Variants in NF1 observed in about 807,000 individuals in gnomAD.
The protein encoded by NF1 is neurofibromin 1.
NF1 carries 122 observed loss-of-function variants against 325.7 expected under a neutral mutation model. The observed-to-expected ratio is 0.37, with a 90% confidence interval of 0.32 to 0.44. The LOEUF is 0.44. Ranked by LOEUF, NF1 falls within the 20% of genes least tolerant of loss-of-function variation. NF1 has a pLI of 1.00. For missense variants in NF1, 2,140 were observed against 3,415.4 expected (o/e 0.63, Z 9.31); for synonymous variants, 1,091 against 1,186.0 (o/e 0.92, Z 1.65).
intron 29 of NF1, among the ~76,000 whole-genome samples, chr17:31,243,184 C>CTCTGTGTGTGTGTGTG (rs1555616439): frequency 1.5e-5 from 2 of 137,476 alleles, no homozygotes; most frequent in African/African-American, 6.0e-5. Flanking sequence ...CTCTCTCTGT[C>CTCTGTGTGTGTGTGTG]TGTGTGTGTG....
chr17:31,154,257 A>G lies in NF1; in HGVS notation c.61-1726A>G, dbSNP rs1295828250. 2.0e-5 allele frequency among the ~76,000 whole-genome samples: 3 copies of G among 150,660 alleles called. 1 individual carries two copies. Among genetic ancestry groups the G allele is most frequent in the South Asian group, 4.2e-4 (2 of 4,760 alleles). ...TTTTTAGTAGAGACAGGGTTTCACCATGTTGGCCAGGCTGGTCTTGAACTT... is the reference window on the plus strand; with the variant it reads ...TTTTTAGTAGAGACAGGGTTTCACCGTGTTGGCCAGGCTGGTCTTGAACTT... On this transcript the variant is annotated intron_variant, in intron 1 of 57. Transcript: ENST00000358273.
In NF1 at chr17:31,163,394, C is replaced by G. The variant is rs2143674569; in HGVS notation, c.479+18C>G. 1 of 1,608,718 alleles carries G rather than the reference C, an allele frequency of 6.2e-7. No homozygotes were observed. The highest frequency in any genetic ancestry group is 1.3e-5 in the African/African-American group (1 of 74,842). ...TCTACCAGGTTAGTGTGTAAATCCA[C>G]ATGGGACTACTGAAGTAATATGAAT... On this transcript the variant is annotated intron_variant, in intron 4 of 57. Coordinates refer to ENST00000358273, the MANE Select transcript of NF1 (RefSeq NM_001042492.3).
chr17:31,235,818 A>G (rs1429457390), intron 28 of NF1, 46 bp downstream of exon 28: 1 of 1,613,062 alleles, frequency 6.2e-7, no homozygotes, highest in East Asian at 2.2e-5. Context: ...GAGGTATGTC[A>G]AGTAATGATT....
At position 31,374,743 on chromosome 17, in the gene NF1, GGA is replaced by G. The variant is rs2070707886; in HGVS notation, c.*590_*591del. 4.3e-6 allele frequency: 1 copy of G among 233,734 alleles called. No individual in the cohort carries two copies. The highest frequency in any genetic ancestry group is 1.8e-4 in the South Asian group (1 of 5,642). 14.5% of individuals were successfully genotyped at this position (233,734 alleles called of 1,614,324 possible). A position where few individuals can be genotyped will look rare whatever the true frequency, so the allele number is the denominator to read the frequency against. Reference sequence around the variant, plus strand: ...AAGCCACAGACAAGGTACTTGGGGGGGAGGGCAGGGAAATTTCATATTTTATA... The same window carrying G: ...AAGCCACAGACAAGGTACTTGGGGGGGGGCAGGGAAATTTCATATTTTATA... On this transcript the variant is annotated 3_prime_UTR_variant, in exon 58 of 58. Transcript: ENST00000358273.
At chr17:31,202,205 A>C (rs549584818) in intron 11 of NF1, among the ~76,000 whole-genome samples, 1 of 152,284 alleles carries the variant, frequency 6.6e-6, no homozygotes, top group Non-Finnish European at 1.5e-5. Flanking sequence ...CCTATTTTGA[A>C]AGTTTTCAAG....
At chr17:31,143,933 C>T (rs1412462902) in intron 1 of NF1, among the ~76,000 whole-genome samples, 5 of 151,924 alleles carry the variant, frequency 3.3e-5, no homozygotes, top group African/African-American at 9.7e-5. Context: ...GCCATTCTCC[C>T]GCCTCAGCCT....
chr17:31,360,153 C>G (rs1212489178), intron 56 of NF1: 1 of 357,504 alleles, frequency 2.8e-6, no homozygotes, highest in Non-Finnish European at 5.3e-6. Flanking sequence ...TAAATGGCAG[C>G]TGGAATGATG....
chr17:31,307,557 A>G (rs1344443547), intron 36 of NF1, among the ~76,000 whole-genome samples: 1 of 152,154 alleles, frequency 6.6e-6, no homozygotes, highest in African/African-American at 2.4e-5. Context: ...AAACTTGGAG[A>G]GTTAAGTTTC....
chr17:31,244,276 C>T (rs937860676), intron 29 of NF1, among the ~76,000 whole-genome samples: 2 of 152,114 alleles, frequency 1.3e-5, no homozygotes, highest in African/African-American at 2.4e-5. Flanking sequence ...GCTGAGCTGC[C>T]TGGGTTTGGG....
Position 31,358,464 on chromosome 17 carries a change from T to G in NF1, c.7971-16T>G, listed in dbSNP as rs1254117114. ...TCCTCTAAAATGTTCCTCTGTTGAC[T>G]TTTTTTTTCTTTTAGGCATAATTTG... On this transcript the variant is annotated splice_polypyrimidine_tract_variant and intron_variant, in intron 54 of 57. Transcript: ENST00000358273. 1 of 1,590,362 alleles carries G rather than the reference T, an allele frequency of 6.3e-7. No homozygotes were observed. Among genetic ancestry groups the G allele is most frequent in the East Asian group, 2.2e-5 (1 of 44,588 alleles).
intron 3 of NF1, among the ~76,000 whole-genome samples, chr17:31,161,077 G>A (rs117578504): frequency 2.0e-5 from 3 of 152,212 alleles, no homozygotes; most frequent in Non-Finnish European, 4.4e-5. Flanking sequence ...TAAGAAGAAC[G>A]GAGCTCACAA....
At chr17:31,105,650 G>A (rs1912790999) in intron 1 of NF1, among the ~76,000 whole-genome samples, 2 of 152,304 alleles carry the variant, frequency 1.3e-5, no homozygotes, top group South Asian at 4.1e-4. Context: ...AAGTAGCTGG[G>A]ATGACAGGCA....
rs530626936 is a variant in NF1, at chr17:31,126,048, C to T, written c.61-29935C>T. ...AAAAAATACAAAAAAATTAGCTGGA[C>T]GTTGTGGCATGCACCTGTAGTGCTA... On this transcript the variant is annotated intron_variant, in intron 1 of 57. Coordinates refer to ENST00000358273, the MANE Select transcript of NF1 (RefSeq NM_001042492.3). Among the ~76,000 whole-genome samples the T allele has an allele frequency of 8.5e-5, 13 of 152,186 alleles. No homozygotes were observed. The East Asian group carries it at 9.7e-4, about 11-fold the overall frequency.
chr17:31,354,932 G>A (rs938670605), intron 51 of NF1, among the ~76,000 whole-genome samples: 1 of 152,200 alleles, frequency 6.6e-6, no homozygotes, highest in African/African-American at 2.4e-5. Flanking sequence ...GATGTCAGAA[G>A]CTTTTAGTTT....
Position 31,229,475 on chromosome 17 carries a change from T to G in NF1, c.2850+10T>G, listed in dbSNP as rs771916458. ...TGACTCCCAAGGACAGGTAAAGTGT[T>G]CTCTTATTTTTCACCTTTCTCTATG... On this transcript the variant is annotated intron_variant, in intron 21 of 57. Coordinates refer to ENST00000358273, the MANE Select transcript of NF1 (RefSeq NM_001042492.3). 7 of 1,612,092 alleles carry G rather than the reference T, an allele frequency of 4.3e-6. No individual in the cohort carries two copies. Among genetic ancestry groups the G allele is most frequent in the Non-Finnish European group, 5.1e-6 (6 of 1,178,412 alleles).
chr17:31,369,700 C>T (rs1362387532), intron 57 of NF1, among the ~76,000 whole-genome samples: 1 of 152,174 alleles, frequency 6.6e-6, no homozygotes, highest in Non-Finnish European at 1.5e-5. Context: ...GCACCAAGGC[C>T]TTCTCACTAA....
In NF1 at chr17:31,226,557, C is replaced by G. The variant is rs1406726344; in HGVS notation, c.2124C>G (p.Ser708=). ...PDTEAVLVAM[S]CFRHLCEEAD... Reference sequence around the variant, plus strand: ...CTGAAGCTGTTCTGGTTGCCATGTCCTGTTTCCGCCACCTCTGTGAGGAAG... The same window carrying G: ...CTGAAGCTGTTCTGGTTGCCATGTCGTGTTTCCGCCACCTCTGTGAGGAAG... Residue 708 remains serine (S), a synonymous_variant, in exon 18 of 58, where the codon TCC becomes TCG. Transcript: ENST00000358273. The G allele has an allele frequency of 2.5e-6, 4 of 1,613,888 alleles. No homozygotes were observed. In the South Asian group the frequency reaches 4.4e-5, roughly 18 times the overall value.
intron 29 of NF1, among the ~76,000 whole-genome samples, chr17:31,237,377 C>A (rs970385354): frequency 6.6e-6 from 1 of 152,142 alleles, no homozygotes; most frequent in African/African-American, 2.4e-5. Flanking sequence ...AGGACTCAAG[C>A]GATTCTCCCA....
intron 36 of NF1, chr17:31,304,118 A>G (rs922835840): frequency 6.6e-6 from 5 of 757,968 alleles, no homozygotes; most frequent in Non-Finnish European, 1.0e-5. Context: ...AGTTTCATCT[A>G]TGCACATAGG....
Sources: allele counts gnomAD v4.1 joint callset (sites outside exome capture counted in the v4.1 genomes callset), GRCh38; gene constraint gnomAD v4.1.1; transcripts MANE v1.5; gene names NCBI Gene and HGNC (gene_info 2026-07-23, HGNC 2026-07-21).